The following ADRA1A variants were observed in gnomAD, a reference collection of about 807,000 sequenced individuals.
The protein encoded by ADRA1A is alpha-1A adrenergic receptor.
ADRA1A carries 31 observed loss-of-function variants against 29.6 expected under a neutral mutation model. The observed-to-expected ratio is 1.05, with a 90% CI of 0.79 to 1.41. The LOEUF is 1.41. Among genes scored for constraint, ADRA1A ranks in the 40% most tolerant of loss-of-function variants. The pLI is 0.00. For missense variants in ADRA1A, 619 were observed against 601.1 expected (o/e 1.03, Z -0.31); for synonymous variants, 311 against 254.3 (o/e 1.22, Z -2.12).
At chr8:26,763,416 T>TGA (rs1805616425), downstream of ADRA1A, among the ~76,000 whole-genome samples, 1 of 152,148 alleles carries the variant, frequency 6.6e-6, no homozygotes, top group Admixed American at 6.5e-5. This position sits in a 1 kb window ranked among gnomAD's most constrained non-coding sequence, Gnocchi z 4.5. Context: ...CCTGATGAGG[T>TGA]GAGGAGCTGA....
At position 26,787,389 on chromosome 8, in the gene ADRA1A, G is replaced by C. The variant is rs1807474134; in HGVS notation, c.884-16723C>G. 6.6e-6 allele frequency among the ~76,000 whole-genome samples: 1 copy of C among 151,986 alleles called. No homozygotes were observed. The highest frequency in any genetic ancestry group is 1.5e-5 in the Non-Finnish European group (1 of 68,008). On this transcript the variant is annotated intron_variant, in intron 2 of 2. Coordinates refer to ENST00000380573, the MANE Select transcript of ADRA1A (RefSeq NM_000680.4). This position sits in a 1 kb window ranked among gnomAD's most constrained non-coding sequence, Gnocchi z 4.2. ...AGGTTTGTTCAGAATAGACATGTTTGGACATGGAAAAAAAACCCACACATA... is the reference window on the plus strand; with the variant it reads ...AGGTTTGTTCAGAATAGACATGTTTCGACATGGAAAAAAAACCCACACATA...
chr8:26,858,918 T>C (rs951640403), intron 2 of ADRA1A: 2 of 487,060 alleles, frequency 4.1e-6, no homozygotes, highest in African/African-American at 2.0e-5. Context: ...CCAACAGTCA[T>C]GCTATTCAAT....
At chr8:26,852,992 G>A (rs184451816) in intron 2 of ADRA1A, among the ~76,000 whole-genome samples, 17 of 151,882 alleles carry the variant, frequency 1.1e-4, no homozygotes, top group Admixed American at 8.5e-4. Flanking sequence ...AAGAATACAT[G>A]GAAAGGTTAA....
At chr8:26,802,380 A>G (rs1238445462) in intron 2 of ADRA1A, among the ~76,000 whole-genome samples, 1 of 152,224 alleles carries the variant, frequency 6.6e-6, no homozygotes, top group Non-Finnish European at 1.5e-5. Flanking sequence ...ACTCAATAAG[A>G]AAACATACAA....
chr8:26,806,945 C>G lies in ADRA1A; in HGVS notation c.884-36279G>C, dbSNP rs1476897943. ...GGGTCTTTACCAAGGGCCAAAGTGG[C>G]TTGGCTTTGGCTCTGTTAATAATGT... On this transcript the variant is annotated intron_variant, in intron 2 of 2. Coordinates refer to ENST00000380573, the MANE Select transcript of ADRA1A (RefSeq NM_000680.4). The surrounding 1 kb of genome is among the most constrained non-coding windows in gnomAD (Gnocchi z 4.6). Among the ~76,000 whole-genome samples the G allele has an allele frequency of 6.6e-6, 1 of 152,158 alleles. No homozygotes were observed. Among genetic ancestry groups the G allele is most frequent in the Non-Finnish European group, 1.5e-5 (1 of 68,034 alleles).
chr8:26,839,658 G>A (rs1811675186), intron 2 of ADRA1A, among the ~76,000 whole-genome samples: 1 of 152,264 alleles, frequency 6.6e-6, no homozygotes, highest in African/African-American at 2.4e-5. Flanking sequence ...TGAGATCTTA[G>A]TCCACTCTGG....
Position 26,867,104 on chromosome 8 carries a change from G to A in ADRA1A, c.-855C>T. ...GCTGACTCACCCCTCCACCACTGATGTCTTTAAGCTCCTGAACCGCTGTCA... is the reference window on the plus strand; with the variant it reads ...GCTGACTCACCCCTCCACCACTGATATCTTTAAGCTCCTGAACCGCTGTCA... On this transcript the variant is annotated 5_prime_UTR_variant, in exon 1 of 3. Coordinates refer to ENST00000380573, the MANE Select transcript of ADRA1A (RefSeq NM_000680.4). 1 of 985,400 alleles carries A rather than the reference G, an allele frequency of 1.0e-6. No homozygotes were observed. The highest frequency in any genetic ancestry group is 1.2e-6 in the Non-Finnish European group (1 of 829,930). The allele number at this position is 985,400 out of a possible 1,614,324, so 61.0% of individuals were successfully genotyped here.
In ADRA1A at chr8:26,864,403, C is replaced by T. The variant is rs1390747681; in HGVS notation, c.567G>A (p.Ala189=). 1.2e-6 allele frequency: 2 copies of T among 1,613,544 alleles called. No individual in the cohort carries two copies. Among genetic ancestry groups the T allele is most frequent in the African/African-American group, 2.7e-5 (2 of 75,050 alleles). The change falls in exon 2 of 3, where the codon GCG becomes GCA. Residue 189 remains alanine (A), a synonymous_variant. Transcript: ENST00000380573. This position sits in a 1 kb window ranked among gnomAD's most constrained non-coding sequence, Gnocchi z 8.1. The part of the protein sequence containing the change: ...NEEPGYVLFS[A]LGSFYLPLAI... ...CCAGAGGCAGGTAGAAGGAGCCCAG[C>T]GCTGAGAAGAGCACGTAGCCCGGCT...
chr8:26,798,938 A>G (rs996381313), intron 2 of ADRA1A, among the ~76,000 whole-genome samples: 5 of 152,114 alleles, frequency 3.3e-5, no homozygotes, highest in Non-Finnish European at 5.9e-5. Flanking sequence ...GCCCAGGGAT[A>G]TCTTGCAGAG....
rs1481244052 is a variant in ADRA1A at position 26,768,973 on chromosome 8, C to T, written c.*1176G>A. On this transcript the variant is annotated 3_prime_UTR_variant, in exon 3 of 3. Coordinates refer to ENST00000380573, the MANE Select transcript of ADRA1A (RefSeq NM_000680.4). Reference sequence around the variant, plus strand: ...ATCAAAAAATGTTTGCAAACTCCTGCGTTAGACAGTTCTTTGGTGATCCAT... The same window carrying T: ...ATCAAAAAATGTTTGCAAACTCCTGTGTTAGACAGTTCTTTGGTGATCCAT... 2.6e-5 allele frequency: 26 copies of T among 985,282 alleles called. No individual in the cohort carries two copies. In the South Asian group the frequency reaches 3.8e-4, roughly 14 times the overall value. The allele number at this position is 985,282 out of a possible 1,614,324, so 61.0% of individuals were successfully genotyped here.
chr8:26,853,534 G>A (rs1812783829), intron 2 of ADRA1A, among the ~76,000 whole-genome samples: 1 of 152,176 alleles, frequency 6.6e-6, no homozygotes, highest in African/African-American at 2.4e-5. Flanking sequence ...CAGAGAGACA[G>A]ATAAATGGAA....
rs994420226 is a variant in ADRA1A, at chr8:26,815,604, A to G, written c.884-44938T>C. Reference sequence around the variant, plus strand: ...TGAACCCTCACAGAGCTAGGCCTTTAGTGAAAGGTAGATGACTAGGAACCT... The same window carrying G: ...TGAACCCTCACAGAGCTAGGCCTTTGGTGAAAGGTAGATGACTAGGAACCT... On this transcript the variant is annotated intron_variant, in intron 2 of 2. Transcript: ENST00000380573. This position sits in a 1 kb window ranked among gnomAD's most constrained non-coding sequence, Gnocchi z 4.2. 2.6e-5 allele frequency among the ~76,000 whole-genome samples: 4 copies of G among 152,294 alleles called. No homozygotes were observed. In the East Asian group the frequency reaches 7.7e-4, roughly 29 times the overall value.
intron 2 of ADRA1A, among the ~76,000 whole-genome samples, chr8:26,774,345 T>G (rs1806385226): frequency 1.3e-5 from 2 of 152,150 alleles, no homozygotes; most frequent in Admixed American, 6.6e-5. Flanking sequence ...TAGCTATGCT[T>G]CCTTCAAGAA....
intron 2 of ADRA1A, among the ~76,000 whole-genome samples, chr8:26,832,864 C>A (rs1811087088): frequency 6.6e-6 from 1 of 152,140 alleles, no homozygotes; most frequent in Non-Finnish European, 1.5e-5. Context: ...CAGCATTGCT[C>A]TGGACAGCTG....
At chr8:26,849,984 TA>T (rs892595305) in intron 2 of ADRA1A, among the ~76,000 whole-genome samples, 3 of 117,194 alleles carry the variant, frequency 2.6e-5, no homozygotes, top group African/African-American at 6.8e-5. Flanking sequence ...AATGGAAATT[TA>T]AAAAAAAATA....
At position 26,864,178 on chromosome 8, in the gene ADRA1A, G is replaced by C; in HGVS notation, c.792C>G (p.Phe264Leu). The change falls in exon 2 of 3, where the codon TTC (phenylalanine) becomes TTG (leucine). Residue 264 changes from phenylalanine (F) to leucine (L), a missense_variant. Phe to Leu is a conservative substitution (Grantham distance 22). Coordinates refer to ENST00000380573, the MANE Select transcript of ADRA1A (RefSeq NM_000680.4). This position sits in a 1 kb window ranked among gnomAD's most constrained non-coding sequence, Gnocchi z 8.1. ...KTHFSVRLLK[F>L]SREKKAAKTL... ...TTTTGGCCGCTTTCTTCTCCCGGGA[G>C]AACTTGAGGAGCCTCACTGAGAAGT... 6.2e-7 allele frequency: 1 copy of C among 1,614,176 alleles called. No homozygotes were observed. The highest frequency in any genetic ancestry group is 8.5e-7 in the Non-Finnish European group (1 of 1,180,048).
chr8:26,781,398 A>G (rs986562185), intron 2 of ADRA1A, among the ~76,000 whole-genome samples: 1 of 152,210 alleles, frequency 6.6e-6, no homozygotes, highest in African/African-American at 2.4e-5. Flanking sequence ...AGTGATCAAC[A>G]TGATTCTCAA....
intron 2 of ADRA1A, among the ~76,000 whole-genome samples, chr8:26,804,387 T>TA (rs1011423737): frequency 6.6e-6 from 1 of 152,146 alleles, no homozygotes; most frequent in African/African-American, 2.4e-5. Flanking sequence ...TGTGAAAGTA[T>TA]AAAAAATTAT....
At chr8:26,779,295 C>T in intron 2 of ADRA1A, 1 of 702,574 alleles carries the variant, frequency 1.4e-6, no homozygotes, top group South Asian at 1.5e-5. Flanking sequence ...TCACCAAACC[C>T]CACAGGTGTC....
Sources: allele counts gnomAD v4.1 joint callset (sites outside exome capture counted in the v4.1 genomes callset), GRCh38; gene constraint gnomAD v4.1.1; non-coding constraint Gnocchi (gnomAD v3.1); transcripts MANE v1.5; gene names NCBI Gene and HGNC (gene_info 2026-07-23, HGNC 2026-07-21).